The following FHOD3 variants were observed in gnomAD, a reference collection of about 807,000 sequenced individuals.
FHOD3 encodes the protein FH1/FH2 domain-containing protein 3.
FHOD3 carries 90 observed loss-of-function variants against 173.0 expected under a neutral mutation model. That is an observed-to-expected ratio of 0.52 (90% CI 0.44 to 0.62). FHOD3 has a LOEUF of 0.62. Ranked by LOEUF, FHOD3 falls within the 20% of genes least tolerant of loss-of-function variation. The pLI, the probability that FHOD3 is intolerant of heterozygous loss-of-function variation, is 0.00. For synonymous variants in FHOD3, 828 were observed against 823.0 expected, an observed-to-expected ratio of 1.01 and a Z score of -0.10; for missense variants, 1,945 against 2,034.7, an observed-to-expected ratio of 0.96 and a Z score of 0.85.
intron 3 of FHOD3, among the ~76,000 whole-genome samples, chr18:36,477,606 C>T (rs12958259): frequency 7.0e-6 from 1 of 142,220 alleles, no homozygotes; most frequent in African/African-American, 2.6e-5. Context: ...TACCTATCTA[C>T]CTATCTATCT....
At chr18:36,733,306 A>G (rs183544631) in intron 20 of FHOD3, among the ~76,000 whole-genome samples, 1 of 152,298 alleles carries the variant, frequency 6.6e-6, no homozygotes, top group East Asian at 1.9e-4. Context: ...ACCCTGACTG[A>G]ACTCCCACAT....
intron 3 of FHOD3, among the ~76,000 whole-genome samples, chr18:36,457,938 G>A (rs1171024997): frequency 3.3e-5 from 5 of 152,152 alleles, no homozygotes; most frequent in African/African-American, 1.2e-4. Context: ...TTAACACTCA[G>A]ATGACATAGA....
At chr18:36,502,609 G>A (rs2055096304) in intron 4 of FHOD3, among the ~76,000 whole-genome samples, 1 of 152,094 alleles carries the variant, frequency 6.6e-6, no homozygotes, top group Admixed American at 6.5e-5. Flanking sequence ...GTTCCATGGG[G>A]GTATATGTGC....
intron 20 of FHOD3, among the ~76,000 whole-genome samples, chr18:36,733,828 C>T (rs2041495264): frequency 6.6e-6 from 1 of 152,192 alleles, no homozygotes; most frequent in African/African-American, 2.4e-5. Context: ...GGTACATATG[C>T]TCCCCAACGT....
chr18:36,370,179 C>T (rs77343398), intron 2 of FHOD3, among the ~76,000 whole-genome samples: 8,681 of 152,134 alleles, frequency 0.057, 793 homozygotes, highest in African/African-American at 0.19. Flanking sequence ...GGCCTCTTCC[C>T]CACCTCAGCC....
intron 3 of FHOD3, among the ~76,000 whole-genome samples, chr18:36,386,932 T>A (rs1380286517): frequency 6.6e-6 from 1 of 152,192 alleles, no homozygotes; most frequent in Non-Finnish European, 1.5e-5. Context: ...TGGGTAGAAC[T>A]TCTGATGTCA....
intron 1 of FHOD3, among the ~76,000 whole-genome samples, chr18:36,347,670 A>T (rs780199385): frequency 6.6e-6 from 1 of 152,236 alleles, no homozygotes; most frequent in Non-Finnish European, 1.5e-5. Context: ...TATTAAAGTA[A>T]CTATGATGTG....
At chr18:36,702,133 C>G (rs149463381) in intron 17 of FHOD3, among the ~76,000 whole-genome samples, 1 of 152,172 alleles carries the variant, frequency 6.6e-6, no homozygotes, top group Non-Finnish European at 1.5e-5. Flanking sequence ...TGATTCTCAA[C>G]CAGGGGTGAG....
At chr18:36,312,483 C>A (rs1292701429) in intron 1 of FHOD3, among the ~76,000 whole-genome samples, 1 of 152,140 alleles carries the variant, frequency 6.6e-6, no homozygotes, top group Non-Finnish European at 1.5e-5. Flanking sequence ...ATTGAACCTG[C>A]CCCGCATCTA....
At chr18:36,632,135 T>G (rs74818539) in intron 10 of FHOD3, among the ~76,000 whole-genome samples, 19,671 of 152,188 alleles carry the variant, frequency 0.13, 1,367 homozygotes, top group Non-Finnish European at 0.15. Context: ...TTTTAAATAT[T>G]GATATTGCCA....
chr18:36,760,957 TC>T (rs1405001898), intron 27 of FHOD3, among the ~76,000 whole-genome samples, 175 bp downstream of exon 27: 1 of 152,128 alleles, frequency 6.6e-6, no homozygotes, highest in Non-Finnish European at 1.5e-5. Context: ...AATAGCTTCA[TC>T]TCCAAAACAA....
chr18:36,409,174 G>C (rs995316863), intron 3 of FHOD3, among the ~76,000 whole-genome samples: 1 of 152,106 alleles, frequency 6.6e-6, no homozygotes, highest in African/African-American at 2.4e-5. Flanking sequence ...AACCTTCTTG[G>C]GGGGGTAATT....
Position 36,421,242 on chromosome 18 carries a change from A to G in FHOD3, c.337+48498A>G, listed in dbSNP as rs555471942. On this transcript the variant is annotated intron_variant, in intron 3 of 28. Transcript: ENST00000590592. ...AGGGTAGCTTGCCACAATGATAGTC[A>G]CGTGTAGGGAAATACACACAAATTG... is the stretch of plus-strand genomic sequence containing the variant. 3.7e-4 allele frequency among the ~76,000 whole-genome samples: 56 copies of G among 152,244 alleles called. 1 individual carries two copies. Among genetic ancestry groups the G allele is most frequent in the Non-Finnish European group, 7.5e-4 (51 of 68,040 alleles).
intron 5 of FHOD3, among the ~76,000 whole-genome samples, chr18:36,537,356 A>G (rs1301905871): frequency 6.6e-6 from 1 of 151,910 alleles, no homozygotes; most frequent in Non-Finnish European, 1.5e-5. Flanking sequence ...ATTTTTAGTC[A>G]CTCCTTAATG....
intron 5 of FHOD3, among the ~76,000 whole-genome samples, chr18:36,546,789 G>T (rs1428902531): frequency 6.6e-6 from 1 of 152,178 alleles, no homozygotes; most frequent in Admixed American, 6.5e-5. Flanking sequence ...CACAGCGTAG[G>T]CAGCGTGTGG....
At chr18:36,300,660 T>C (rs1456042933) in intron 1 of FHOD3, among the ~76,000 whole-genome samples, 1 of 152,056 alleles carries the variant, frequency 6.6e-6, no homozygotes, top group Non-Finnish European at 1.5e-5. Context: ...GGGAGAAGCA[T>C]GAGCGTGGGA....
intron 3 of FHOD3, among the ~76,000 whole-genome samples, chr18:36,400,862 A>G (rs993735021): frequency 1.3e-5 from 2 of 152,246 alleles, no homozygotes; most frequent in African/African-American, 4.8e-5. Context: ...ATAAGTGGTC[A>G]CAAAAGAAAA....
chr18:36,752,420 A>C (rs1017389335), intron 24 of FHOD3, among the ~76,000 whole-genome samples: 5 of 152,220 alleles, frequency 3.3e-5, no homozygotes, highest in African/African-American at 1.2e-4. Flanking sequence ...GGCTTGAGTA[A>C]GAGTCAGATG....
chr18:36,540,182 A>C (rs187480440), intron 5 of FHOD3, among the ~76,000 whole-genome samples: 1 of 152,352 alleles, frequency 6.6e-6, no homozygotes, highest in East Asian at 1.9e-4. Context: ...TGCCCAATTC[A>C]GCCAGGTTCC....
Sources: gnomAD v4.1 joint callset for allele counts (sites outside exome capture counted in the v4.1 genomes callset) on GRCh38, gnomAD v4.1.1 for gene constraint, MANE v1.5 for transcripts, NCBI Gene and HGNC (gene_info 2026-07-23, HGNC 2026-07-21) for gene names.